DCC: variants seen among roughly 807,000 people sequenced by gnomAD.
The protein encoded by DCC is netrin receptor DCC.
Under a neutral mutation model 172.5 loss-of-function variants are expected in DCC, and 58 were observed. The observed-to-expected ratio is 0.34, with a 90% CI of 0.27 to 0.42. The LOEUF is 0.42. Ranked by LOEUF, DCC falls within the 10% of genes least tolerant of loss-of-function variation. DCC has a pLI of 1.00. For synonymous variants in DCC, 709 were observed against 644.5 expected (o/e 1.10, Z -1.52); for missense variants, 1,740 against 1,791.0 (o/e 0.97, Z 0.51).
intron 1 of DCC, among the ~76,000 whole-genome samples, chr18:52,504,181 T>C (rs2031136428): frequency 6.6e-6 from 1 of 152,064 alleles, no homozygotes; most frequent in African/African-American, 2.4e-5. Context: ...GTAGCCTGGA[T>C]CATGTATTCT....
chr18:52,761,833 C>CAGG (rs919920655), intron 2 of DCC, among the ~76,000 whole-genome samples: 1 of 146,138 alleles, frequency 6.8e-6, no homozygotes, highest in African/African-American at 2.6e-5. Context: ...GTCGTGCACC[C>CAGG]AGGAGGCAGA....
intron 12 of DCC, among the ~76,000 whole-genome samples, chr18:53,255,892 A>C (rs1449610427): frequency 3.9e-5 from 6 of 152,038 alleles, no homozygotes; most frequent in African/African-American, 1.4e-4. Flanking sequence ...CTGACTTTTT[A>C]ATGATCACCA....
rs182389496 is a variant in DCC at position 52,832,275 on chromosome 18, G to T, written c.413-73769G>T. Among the ~76,000 whole-genome samples, 10 of 152,238 alleles carry T rather than the reference G, an allele frequency of 6.6e-5. 1 individual carries two copies. Among genetic ancestry groups the T allele is most frequent in the African/African-American group, 2.4e-4 (10 of 41,518 alleles). On this transcript the variant is annotated intron_variant, in intron 2 of 28. Transcript: ENST00000442544. The stretch of plus-strand genomic sequence containing the variant: ...AAGAGCCTCACAATGGCTTAGTGAG[G>T]CCTTCCAAGGGAGCAAAATGGGCGA...
intron 22 of DCC, among the ~76,000 whole-genome samples, chr18:53,439,753 A>G (rs1380416549): frequency 7.0e-6 from 1 of 141,954 alleles, no homozygotes; most frequent in East Asian, 2.0e-4. Flanking sequence ...ATATGTGGTG[A>G]TGTAGTAGTA....
At chr18:52,796,841 C>A (rs1001045701) in intron 2 of DCC, among the ~76,000 whole-genome samples, 1 of 152,056 alleles carries the variant, frequency 6.6e-6, no homozygotes, top group Non-Finnish European at 1.5e-5. Flanking sequence ...CTTCATCTAT[C>A]TAGATGTCTA....
intron 1 of DCC, among the ~76,000 whole-genome samples, chr18:52,434,352 A>G (rs1987720730): frequency 1.3e-5 from 2 of 152,142 alleles, no homozygotes; most frequent in African/African-American, 2.4e-5. Flanking sequence ...ACATCTTACA[A>G]CACACAGGGC....
chr18:53,177,060 T>C (rs1418904676), intron 8 of DCC, among the ~76,000 whole-genome samples: 1 of 151,934 alleles, frequency 6.6e-6, no homozygotes, highest in Non-Finnish European at 1.5e-5. Flanking sequence ...ATCATCATTC[T>C]CAGTAAACTA....
chr18:53,415,427 T>A (rs1228934860), intron 20 of DCC, among the ~76,000 whole-genome samples: 1 of 152,130 alleles, frequency 6.6e-6, no homozygotes, highest in Non-Finnish European at 1.5e-5. Flanking sequence ...CAAAATGCCA[T>A]GTAATTTTCA....
chr18:53,253,500 G>A (rs918326069), intron 12 of DCC, among the ~76,000 whole-genome samples: 1 of 152,002 alleles, frequency 6.6e-6, no homozygotes, highest in Non-Finnish European at 1.5e-5. Context: ...GGTTGAAAAT[G>A]TCTAACTCTA....
chr18:52,364,465 A>T (rs1010581735), intron 1 of DCC, among the ~76,000 whole-genome samples: 2 of 152,182 alleles, frequency 1.3e-5, no homozygotes, highest in African/African-American at 4.8e-5. Flanking sequence ...GGCATAACTT[A>T]AAAAAAGCTT....
At chr18:52,846,274 G>A (rs2038887423) in intron 2 of DCC, among the ~76,000 whole-genome samples, 1 of 152,058 alleles carries the variant, frequency 6.6e-6, no homozygotes, top group African/African-American at 2.4e-5. Context: ...AGGCATGGTG[G>A]CACATGCCTG....
intron 12 of DCC, among the ~76,000 whole-genome samples, chr18:53,261,361 C>G (rs554971067): frequency 6.6e-6 from 1 of 152,164 alleles, no homozygotes; most frequent in Non-Finnish European, 1.5e-5. Context: ...CTCGTGAGGA[C>G]GTTTTGTGTC....
At chr18:53,472,276 A>C (rs1433447857) in intron 25 of DCC, among the ~76,000 whole-genome samples, 1 of 152,234 alleles carries the variant, frequency 6.6e-6, no homozygotes, top group Non-Finnish European at 1.5e-5. Context: ...GCTAGCAGTC[A>C]CACAGCTAGT....
chr18:52,942,281 C>G (rs1446704487), intron 5 of DCC, among the ~76,000 whole-genome samples: 1 of 152,058 alleles, frequency 6.6e-6, no homozygotes, highest in Non-Finnish European at 1.5e-5. Flanking sequence ...CTGTCTTAAT[C>G]TGGTTTAATA....
At chr18:53,295,839 T>G (rs902750430) in intron 12 of DCC, among the ~76,000 whole-genome samples, 4 of 152,206 alleles carry the variant, frequency 2.6e-5, no homozygotes, top group African/African-American at 9.6e-5. Flanking sequence ...CCTGTCATTC[T>G]TGATGACTTG....
intron 1 of DCC, among the ~76,000 whole-genome samples, chr18:52,424,049 G>C (rs976484255): frequency 6.6e-6 from 1 of 152,008 alleles, no homozygotes; most frequent in East Asian, 1.9e-4. Context: ...GTAGATTCTT[G>C]TTCTGGGCTC....
At chr18:53,032,519 T>G (rs928013976) in intron 5 of DCC, among the ~76,000 whole-genome samples, 5 of 152,220 alleles carry the variant, frequency 3.3e-5, no homozygotes, top group Non-Finnish European at 7.3e-5. Flanking sequence ...TTGTCTTTCA[T>G]GTAAAAATTC....
chr18:53,291,873 T>G (rs995565920), intron 12 of DCC, among the ~76,000 whole-genome samples: 2 of 152,270 alleles, frequency 1.3e-5, no homozygotes, highest in South Asian at 4.1e-4. Context: ...TATCATAAAC[T>G]CTAGGGAACA....
At chr18:52,639,825 C>T (rs1160826215) in intron 1 of DCC, among the ~76,000 whole-genome samples, 2 of 152,018 alleles carry the variant, frequency 1.3e-5, no homozygotes, top group East Asian at 3.9e-4. Flanking sequence ...CACTATTCCA[C>T]AAGATAGAGA....
Sources: allele counts gnomAD v4.1 joint callset (sites outside exome capture counted in the v4.1 genomes callset), GRCh38; gene constraint gnomAD v4.1.1; transcripts MANE v1.5; gene names NCBI Gene and HGNC (gene_info 2026-07-23, HGNC 2026-07-21).